The following HERC4 variants were observed in gnomAD, a reference collection of about 807,000 sequenced individuals.
The protein encoded by HERC4 is probable E3 ubiquitin-protein ligase HERC4.
A neutral mutation model predicts 124.3 loss-of-function variants in HERC4; 28 were observed. The ratio of observed to expected loss-of-function variants is 0.23; its 90% CI spans 0.17 to 0.31. The LOEUF is 0.31. HERC4 is among the 10% of genes least tolerant of loss of function. HERC4 has a pLI of 1.00. For missense variants in HERC4, 713 were observed against 1,229.3 expected (o/e 0.58, Z 6.28); for synonymous variants, 407 against 421.5 (o/e 0.97, Z 0.42).
At chr10:68,035,684 A>T (rs537829741) in intron 5 of HERC4, among the ~76,000 whole-genome samples, 12 of 152,156 alleles carry the variant, frequency 7.9e-5, no homozygotes, top group Non-Finnish European at 1.8e-4. Flanking sequence ...ATCTCTTCTC[A>T]TATCAGTCAC....
chr10:67,941,175 A>G, intron 19 of HERC4, 70 bp from the exon 20 acceptor site: 1 of 1,041,150 alleles, frequency 9.6e-7, no homozygotes, highest in Non-Finnish European at 1.4e-6. Context: ...GATTACATAA[A>G]TATGCTCATA....
At chr10:68,037,535 CTTCT>C (rs2039541948) in intron 5 of HERC4, among the ~76,000 whole-genome samples, 2 of 152,032 alleles carry the variant, frequency 1.3e-5, no homozygotes, top group African/African-American at 4.8e-5. Context: ...GATGTTTAGC[CTTCT>C]TTATTTCTAT....
chr10:68,049,351 T>G (rs1041048280), intron 3 of HERC4, among the ~76,000 whole-genome samples: 1 of 152,068 alleles, frequency 6.6e-6, no homozygotes, highest in African/African-American at 2.4e-5. Context: ...TGCTAATATT[T>G]TATCTACATT....
At chr10:67,995,397 G>T in intron 9 of HERC4, 1 of 305,852 alleles carries the variant, frequency 3.3e-6, no homozygotes, top group Non-Finnish European at 6.4e-6. Context: ...GAGGATTAAT[G>T]CTTGATCTAT....
In HERC4 at chr10:67,987,460, CA is replaced by C. The variant is rs893156859; in HGVS notation, c.1806+1202del. Reference sequence around the variant, plus strand: ...TAGGATGAAGTCCAGAGAAAAGAAACAATCTAATTAATCTCTTGAATCCTCG... The same window carrying C: ...TAGGATGAAGTCCAGAGAAAAGAAACATCTAATTAATCTCTTGAATCCTCG... On this transcript the variant is annotated intron_variant, in intron 15 of 24. Transcript: ENST00000373700. 1.2e-4 allele frequency among the ~76,000 whole-genome samples: 18 copies of C among 152,190 alleles called. No homozygotes were observed. The South Asian group carries it at 3.1e-3, about 26-fold the overall frequency.
intron 7 of HERC4, among the ~76,000 whole-genome samples, chr10:68,031,935 A>G (rs573556556): frequency 1.8e-4 from 27 of 152,126 alleles, no homozygotes; most frequent in Non-Finnish European, 3.2e-4. Flanking sequence ...TATTTTTAGA[A>G]GAGACAGAGT....
intron 8 of HERC4, among the ~76,000 whole-genome samples, chr10:68,024,086 T>C (rs1291255572): frequency 6.6e-6 from 1 of 152,148 alleles, no homozygotes; most frequent in Non-Finnish European, 1.5e-5. Context: ...TATCCCTGTA[T>C]TGAGAAACAT....
At chr10:67,955,301 T>C in intron 17 of HERC4, 171 bp from the exon 18 acceptor site, 5 of 554,060 alleles carry the variant, frequency 9.0e-6, no homozygotes. Context: ...AAACTGAGCA[T>C]AAAGAGTACC....
chr10:68,069,432 GATGAAC>G (rs2041461034), intron 3 of HERC4: 1 of 985,004 alleles, frequency 1.0e-6, no homozygotes, highest in Admixed American at 6.1e-5. Flanking sequence ...AGACAACAGA[GATGAAC>G]ATGAACATAA....
chr10:67,926,266 G>A (rs763840487), intron 23 of HERC4, among the ~76,000 whole-genome samples: 6 of 152,032 alleles, frequency 3.9e-5, no homozygotes, highest in Non-Finnish European at 1.5e-5. Flanking sequence ...ATGGTGGCAG[G>A]CGCCTGTAAT....
chr10:67,992,396 A>C lies in HERC4; in HGVS notation c.1147-73T>G, dbSNP rs1045972507. 7 of 1,543,254 alleles carry C rather than the reference A, an allele frequency of 4.5e-6. No homozygotes were observed. The African/African-American group carries it at 9.7e-5, about 21-fold the overall frequency. On this transcript the variant is annotated intron_variant, in intron 10 of 24. Transcript: ENST00000373700. ...ACTCAAAAACCAAGAAATTCCCACC[A>C]TATATTTGTTCTTTAAACAGAATTA...
At chr10:67,955,906 C>G (rs1589173135) in intron 17 of HERC4, 2 of 152,136 alleles carry the variant, frequency 1.3e-5, no homozygotes, top group East Asian at 3.8e-4. Flanking sequence ...AACTTTTGTT[C>G]TTTTATTATG....
chr10:68,063,566 A>G (rs1330721295), intron 3 of HERC4, among the ~76,000 whole-genome samples: 2 of 152,216 alleles, frequency 1.3e-5, no homozygotes, highest in African/African-American at 4.8e-5. Flanking sequence ...AACTTCATAA[A>G]ATGAGACACA....
In HERC4 at chr10:67,996,321, C is replaced by A. The variant is rs1007428914; in HGVS notation, c.1070-3639G>T. 1.4e-4 allele frequency among the ~76,000 whole-genome samples: 21 copies of A among 152,082 alleles called. No homozygotes were observed. The East Asian group carries it at 3.7e-3, about 27-fold the overall frequency. ...TGAAGACCTTGAAATAGACACCCCCCCTGCCCCACAAGAAACAGTCTTGAT... is the reference window on the plus strand; with the variant it reads ...TGAAGACCTTGAAATAGACACCCCCACTGCCCCACAAGAAACAGTCTTGAT... On this transcript the variant is annotated intron_variant, in intron 9 of 24. Coordinates refer to ENST00000373700, the MANE Select transcript of HERC4 (RefSeq NM_015601.4).
intron 23 of HERC4, among the ~76,000 whole-genome samples, chr10:67,929,819 A>ATTTTTTTTTTTT (rs561065364): frequency 0.068 from 9,744 of 142,586 alleles, 1,080 homozygotes; most frequent in African/African-American, 0.22. Context: ...CCAGCTGTGC[A>ATTTTTTTTTTTT]TTTTTTTTTT....
At position 67,940,983 on chromosome 10, in the gene HERC4, C is replaced by T. The variant is rs2032838242; in HGVS notation, c.2460G>A (p.Lys820=). Residue 820 remains lysine (K), a synonymous_variant, in exon 20 of 25, where the codon AAG becomes AAA. Coordinates refer to ENST00000373700, the MANE Select transcript of HERC4 (RefSeq NM_015601.4). ...GTTCTTTCAAATCATCCAAGGATGG[C>T]TTCTTTTTCAGTAGTTTCTTATATA... ...LALYKKLLKK[K]PSLDDLKELM... 1.3e-5 allele frequency: 21 copies of T among 1,611,250 alleles called. No individual in the cohort carries two copies. The highest frequency in any genetic ancestry group is 1.8e-5 in the Non-Finnish European group (21 of 1,179,284).
In HERC4 at chr10:68,059,824, A is replaced by T. The variant is rs1229283442; in HGVS notation, c.226+13059T>A. Among the ~76,000 whole-genome samples, 11 of 60,854 alleles carry T rather than the reference A, an allele frequency of 1.8e-4. 1 individual carries two copies. The highest frequency in any genetic ancestry group is 1.3e-3 in the African/African-American group (7 of 5,308). The allele number at this position is 60,854 out of a possible 152,430, so 39.9% of individuals were successfully genotyped here. A position where few individuals can be genotyped will look rare whatever the true frequency, so the allele number is the denominator to read the frequency against. ...ATTATATATTATAATATTATATATCATAATATTATATATTATAATATATTA... is the reference window on the plus strand; with the variant it reads ...ATTATATATTATAATATTATATATCTTAATATTATATATTATAATATATTA... On this transcript the variant is annotated intron_variant, in intron 3 of 24. Transcript: ENST00000373700.
intron 7 of HERC4, among the ~76,000 whole-genome samples, chr10:68,029,750 T>A (rs2039098160): frequency 6.7e-6 from 1 of 149,818 alleles, no homozygotes; most frequent in Non-Finnish European, 1.5e-5. Context: ...CACTTTGTTT[T>A]TTTTTTTTGA....
intron 9 of HERC4, chr10:68,010,690 CAT>C (rs2037896440): frequency 2.0e-6 from 3 of 1,480,328 alleles, no homozygotes; most frequent in East Asian, 2.3e-5. Context: ...GCCGCTTACA[CAT>C]GTTCTTGAAG....
Sources: gnomAD v4.1 joint callset for allele counts (sites outside exome capture counted in the v4.1 genomes callset) on GRCh38, gnomAD v4.1.1 for gene constraint, MANE v1.5 for transcripts, NCBI Gene and HGNC (gene_info 2026-07-23, HGNC 2026-07-21) for gene names.